Variants in CADM2 observed in about 807,000 individuals in gnomAD.
CADM2 encodes the protein immunoglobulin superfamily member 4D.
Under a neutral mutation model 49.8 loss-of-function variants are expected in CADM2, and 12 were observed. That is an observed-to-expected ratio of 0.24 (90% CI 0.15 to 0.39). CADM2 has a LOEUF of 0.39. Among genes scored for constraint, CADM2 ranks in the 10% least tolerant of loss-of-function variants. CADM2 has a pLI of 1.00. For synonymous variants in CADM2, 214 were observed against 175.4 expected (o/e 1.22, Z -1.74); for missense variants, 378 against 492.3 (o/e 0.77, Z 2.20).
chr3:86,055,474 T>G (rs57880072), intron 8 of CADM2, among the ~76,000 whole-genome samples: 87 of 126,352 alleles, frequency 6.9e-4, no homozygotes, highest in African/African-American at 1.4e-3. Context: ...TTTTTTTTTT[T>G]TTTTTGGTTT....
intron 2 of CADM2, among the ~76,000 whole-genome samples, chr3:85,756,953 A>C (rs930543470): frequency 1.3e-5 from 2 of 152,140 alleles, no homozygotes; most frequent in Non-Finnish European, 2.9e-5. Flanking sequence ...GGTTTAATAA[A>C]AATATCATTT....
At chr3:85,346,113 CAT>C (rs1424691219) in intron 1 of CADM2, among the ~76,000 whole-genome samples, 4 of 152,070 alleles carry the variant, frequency 2.6e-5, no homozygotes, top group African/African-American at 9.7e-5. Context: ...TAACATCAGT[CAT>C]AGAGAAGATA....
chr3:85,291,951 A>G (rs1194075305), intron 1 of CADM2, among the ~76,000 whole-genome samples: 1 of 152,102 alleles, frequency 6.6e-6, no homozygotes, highest in Admixed American at 6.5e-5. Context: ...TTACCTTTAA[A>G]TGTAAATGGA....
chr3:85,768,572 C>A (rs966568027), intron 2 of CADM2, among the ~76,000 whole-genome samples: 5 of 148,724 alleles, frequency 3.4e-5, no homozygotes, highest in South Asian at 2.1e-4. Context: ...TACACAATAG[C>A]AATCACTGTT....
chr3:85,049,327 G>GTTTATTTA (rs141705505), intron 1 of CADM2, among the ~76,000 whole-genome samples: 29,810 of 146,018 alleles, frequency 0.2, 4,516 homozygotes, highest in African/African-American at 0.4. Context: ...TGCAGGTTTA[G>GTTTATTTA]TTTATTTATT....
At chr3:85,439,694 C>T (rs995744772) in intron 1 of CADM2, among the ~76,000 whole-genome samples, 3 of 151,964 alleles carry the variant, frequency 2.0e-5, no homozygotes, top group Admixed American at 2.0e-4. Flanking sequence ...GGCCACTTGA[C>T]TCCCCCTAAA....
chr3:85,118,001 T>A (rs1460150857), intron 1 of CADM2, among the ~76,000 whole-genome samples: 1 of 152,128 alleles, frequency 6.6e-6, no homozygotes, highest in Non-Finnish European at 1.5e-5. Context: ...TTTTTAAAAA[T>A]CTTTGCTTCT....
chr3:85,274,710 G>C (rs541849084), intron 1 of CADM2, among the ~76,000 whole-genome samples: 6 of 151,608 alleles, frequency 4.0e-5, no homozygotes, highest in African/African-American at 1.4e-4. Flanking sequence ...GAAATAGCTA[G>C]TAGGACAACA....
At chr3:85,064,055 G>T (rs2036432622) in intron 1 of CADM2, among the ~76,000 whole-genome samples, 2 of 152,070 alleles carry the variant, frequency 1.3e-5, no homozygotes, top group African/African-American at 4.8e-5. Context: ...GATTCCTTTG[G>T]ATAGTAGACA....
At chr3:85,352,086 AT>A (rs1251754196) in intron 1 of CADM2, among the ~76,000 whole-genome samples, 1 of 152,112 alleles carries the variant, frequency 6.6e-6, no homozygotes, top group African/African-American at 2.4e-5. Flanking sequence ...GATTATGACA[AT>A]TTATCTCCTG....
At chr3:85,793,734 G>T (rs1005690298) in intron 2 of CADM2, among the ~76,000 whole-genome samples, 2 of 152,140 alleles carry the variant, frequency 1.3e-5, no homozygotes, top group African/African-American at 2.4e-5. Context: ...TTAAAAATAG[G>T]TGTAAAAGGT....
intron 1 of CADM2, among the ~76,000 whole-genome samples, chr3:85,505,139 G>T (rs2040287858): frequency 1.3e-5 from 2 of 152,240 alleles, no homozygotes; most frequent in Admixed American, 1.3e-4. Flanking sequence ...GCAGCGGCGG[G>T]CTGAAGGGCT....
At chr3:85,883,195 G>T (rs1488155418) in intron 3 of CADM2, 96 bp from the exon 4 acceptor site, 28 of 937,744 alleles carry the variant, frequency 3.0e-5, no homozygotes, top group Non-Finnish European at 3.7e-5. Flanking sequence ...TATGGCCAAA[G>T]AAAACATTTA....
chr3:85,824,506 A>C (rs2073794472), intron 3 of CADM2, among the ~76,000 whole-genome samples: 1 of 152,056 alleles, frequency 6.6e-6, no homozygotes, highest in African/African-American at 2.4e-5. Flanking sequence ...TGTCACTGGG[A>C]GGTCTAGCTG....
At chr3:85,751,163 G>C (rs1021542494) in intron 2 of CADM2, among the ~76,000 whole-genome samples, 3 of 152,022 alleles carry the variant, frequency 2.0e-5, no homozygotes, top group Non-Finnish European at 2.9e-5. Context: ...TAGGGGCAAT[G>C]GTGGTGGAGG....
intron 1 of CADM2, among the ~76,000 whole-genome samples, chr3:85,032,060 C>G (rs4499618): frequency 0.74 from 112,828 of 151,964 alleles, 43,337 homozygotes; most frequent in African/African-American, 0.93. Context: ...CAGGATGTTT[C>G]TCTTTCTATC....
intron 1 of CADM2, among the ~76,000 whole-genome samples, chr3:85,391,666 G>A (rs1005896924): frequency 6.6e-6 from 1 of 152,088 alleles, no homozygotes; most frequent in African/African-American, 2.4e-5. Context: ...TGCCAACCAA[G>A]CAAGCAGTAC....
At chr3:86,036,603 G>T (rs893842243) in intron 8 of CADM2, among the ~76,000 whole-genome samples, 5 of 152,118 alleles carry the variant, frequency 3.3e-5, no homozygotes, top group African/African-American at 1.2e-4. Context: ...CATGGCTAAA[G>T]TTGATGTCAA....
chr3:85,915,577 C>G (rs888138584), intron 6 of CADM2, among the ~76,000 whole-genome samples: 19 of 152,010 alleles, frequency 1.2e-4, no homozygotes, highest in Non-Finnish European at 2.1e-4. Context: ...ATGATAATAG[C>G]ATCTCAATAG....
Sources: allele counts gnomAD v4.1 joint callset (sites outside exome capture counted in the v4.1 genomes callset), GRCh38; gene constraint gnomAD v4.1.1; transcripts MANE v1.5; gene names NCBI Gene and HGNC (gene_info 2026-07-23, HGNC 2026-07-21).